DPP6: variants seen among roughly 807,000 people sequenced by gnomAD.
DPP6 encodes A-type potassium channel modulatory protein DPP6.
In DPP6, 69 loss-of-function variants were observed where a neutral mutation model predicts 122.6. That is an observed-to-expected ratio of 0.56 (90% CI 0.46 to 0.69). The LOEUF (loss-of-function observed/expected upper bound fraction) is 0.69. Among genes scored for constraint, DPP6 ranks in the 30% least tolerant of loss-of-function variants. DPP6 has a pLI of 0.00. For missense variants in DPP6, 928 were observed against 1,116.9 expected (o/e 0.83, Z 2.41); for synonymous variants, 418 against 433.1 (o/e 0.97, Z 0.43).
chr7:154,374,503 C>G (rs1205346138), intron 1 of DPP6, among the ~76,000 whole-genome samples: 1 of 152,080 alleles, frequency 6.6e-6, no homozygotes, highest in Non-Finnish European at 1.5e-5. Context: ...CGATGGCAAC[C>G]GTGTTCACTC....
chr7:153,761,074 G>A, the DPP6 span, among the ~76,000 whole-genome samples: 1 of 152,024 alleles, frequency 6.6e-6, no homozygotes, highest in African/African-American at 2.4e-5. Context: ...AGTAAGCTCG[G>A]GATAAATGGG....
chr7:154,674,946 C>G (rs1334284487), intron 7 of DPP6, among the ~76,000 whole-genome samples: 1 of 152,138 alleles, frequency 6.6e-6, no homozygotes, highest in East Asian at 1.9e-4. Flanking sequence ...GAGCAACTGT[C>G]CTGTGTCAGT....
chr7:154,536,049 A>G (rs1159611800), intron 3 of DPP6, among the ~76,000 whole-genome samples: 1 of 152,218 alleles, frequency 6.6e-6, no homozygotes, highest in Non-Finnish European at 1.5e-5. Flanking sequence ...ATTGTCACTA[A>G]TGCATGAATT....
chr7:154,273,862 G>A (rs1803957739), intron 1 of DPP6, among the ~76,000 whole-genome samples: 1 of 152,192 alleles, frequency 6.6e-6, no homozygotes, highest in African/African-American at 2.4e-5. Flanking sequence ...ACAATGCTAG[G>A]CGTCTCACTA....
chr7:154,347,045 C>T (rs929867636), intron 1 of DPP6, among the ~76,000 whole-genome samples: 7 of 152,176 alleles, frequency 4.6e-5, no homozygotes, highest in Non-Finnish European at 8.8e-5. Context: ...TGTGCATGCA[C>T]GTACACACAC....
rs961936163 is a variant in DPP6 at position 154,892,654 on chromosome 7, C to G, written c.*174C>G. 7.5e-7 allele frequency: 1 copy of G among 1,340,886 alleles called. No individual in the cohort carries two copies. Among genetic ancestry groups the G allele is most frequent in the South Asian group, 1.2e-5 (1 of 80,578 alleles). 83.1% of individuals were successfully genotyped at this position (1,340,886 alleles called of 1,614,324 possible). A position where few individuals can be genotyped will look rare whatever the true frequency, so the allele number is the denominator to read the frequency against. ...TTGCTTGGGAAACAAGCTCCTTCCC[C>G]GGGGTCATCACTCACGGCCTCCATG... On this transcript the variant is annotated 3_prime_UTR_variant, in exon 26 of 26. Coordinates refer to ENST00000377770, the MANE Select transcript of DPP6 (RefSeq NM_130797.4).
rs1585269762 is a variant in DPP6 at position 154,060,715 on chromosome 7, A to AAG, written c.243+7652_243+7653insAG. 2.6e-4 allele frequency among the ~76,000 whole-genome samples: 9 copies of AAG among 34,972 alleles called. No homozygotes were observed. In the East Asian group the frequency reaches 5.0e-3, roughly 19 times the overall value. 22.9% of individuals were successfully genotyped at this position (34,972 alleles called of 152,430 possible). A position where few individuals can be genotyped will look rare whatever the true frequency, so the allele number is the denominator to read the frequency against. On this transcript the variant is annotated intron_variant, in intron 1 of 25. Transcript: ENST00000377770. ...CCCTGGCTGTTAGTACCCCCATCGC[A>AAG]GGGGGGGAGGCACCCCCCGCGAGGC...
At chr7:154,377,128 A>G (rs932619061) in intron 1 of DPP6, among the ~76,000 whole-genome samples, 3 of 152,150 alleles carry the variant, frequency 2.0e-5, no homozygotes, top group African/African-American at 7.2e-5. Flanking sequence ...ACAACTCTCT[A>G]AGGCAGGTAT....
At chr7:153,754,543 C>T in the DPP6 span, among the ~76,000 whole-genome samples, 13 of 152,210 alleles carry the variant, frequency 8.5e-5, no homozygotes, top group East Asian at 1.9e-4. Context: ...TATTTATTAC[C>T]GTAGTGGGTG....
At chr7:154,867,662 T>G (rs1177786778) in intron 17 of DPP6, among the ~76,000 whole-genome samples, 2 of 152,228 alleles carry the variant, frequency 1.3e-5, no homozygotes. Context: ...AATGTAGGTT[T>G]TCTTAAAACC....
At chr7:154,424,380 G>A (rs781495526) in intron 1 of DPP6, among the ~76,000 whole-genome samples, 1 of 152,212 alleles carries the variant, frequency 6.6e-6, no homozygotes, top group Non-Finnish European at 1.5e-5. Flanking sequence ...CAAAGTGTCT[G>A]CAGGGCTAAT....
chr7:154,706,190 A>G (rs1840819600), intron 7 of DPP6, among the ~76,000 whole-genome samples: 1 of 152,120 alleles, frequency 6.6e-6, no homozygotes, highest in Admixed American at 6.5e-5. Flanking sequence ...TCTCCAGCTT[A>G]TCCTCTCACC....
At chr7:153,797,008 T>C in the DPP6 span, among the ~76,000 whole-genome samples, 1 of 152,168 alleles carries the variant, frequency 6.6e-6, no homozygotes, top group Non-Finnish European at 1.5e-5. Context: ...GGCTGCCATG[T>C]TGCAAGCTGC....
chr7:154,445,059 G>A (rs35552268), intron 1 of DPP6, among the ~76,000 whole-genome samples: 7,349 of 152,148 alleles, frequency 0.048, 202 homozygotes, highest in East Asian at 0.13. Context: ...TAAATATTTT[G>A]GATGATATTG....
At chr7:154,332,526 G>A (rs1026987222) in intron 1 of DPP6, among the ~76,000 whole-genome samples, 4 of 152,206 alleles carry the variant, frequency 2.6e-5, no homozygotes, top group Non-Finnish European at 5.9e-5. Flanking sequence ...TGACCCTCTG[G>A]GTAGCAACGT....
chr7:153,788,023 C>T, the DPP6 span, among the ~76,000 whole-genome samples: 1 of 151,980 alleles, frequency 6.6e-6, no homozygotes, highest in African/African-American at 2.4e-5. Flanking sequence ...AATAAATCAT[C>T]TCTACCTTCA....
intron 8 of DPP6, among the ~76,000 whole-genome samples, chr7:154,741,364 G>GCC (rs1842814340): frequency 6.6e-6 from 1 of 152,216 alleles, no homozygotes; most frequent in Non-Finnish European, 1.5e-5. Context: ...GGCCACTCAG[G>GCC]CCTACGATTA....
intron 21 of DPP6, chr7:154,884,623 A>ACACACACGTT (rs1361121540): frequency 2.0e-5 from 3 of 151,636 alleles, no homozygotes; most frequent in Non-Finnish European, 4.4e-5. Flanking sequence ...ACACATGCTC[A>ACACACACGTT]CACAGGCTCA....
chr7:153,950,577 C>G (rs749172356), intron 1 of DPP6, among the ~76,000 whole-genome samples: 10 of 152,060 alleles, frequency 6.6e-5, no homozygotes, highest in Non-Finnish European at 1.2e-4. Flanking sequence ...ATACCACAGC[C>G]CAGGAAGGAA....
Sources: allele counts gnomAD v4.1 joint callset (sites outside exome capture counted in the v4.1 genomes callset), GRCh38; gene constraint gnomAD v4.1.1; transcripts MANE v1.5; gene names NCBI Gene and HGNC (gene_info 2026-07-23, HGNC 2026-07-21).